The following C3orf70 variants were observed in gnomAD, a reference collection of about 807,000 sequenced individuals.
C3orf70 encodes chromosome 3 open reading frame 70.
C3orf70 carries 15 observed loss-of-function variants against 20.7 expected under a neutral mutation model. The ratio of observed to expected loss-of-function variants is 0.72; its 90% CI spans 0.48 to 1.11. C3orf70 has a LOEUF of 1.11. Ranked by LOEUF, C3orf70 falls within the 50% of genes most tolerant of loss-of-function variation. C3orf70 has a pLI of 0.00. For missense variants in C3orf70, 332 were observed against 317.6 expected (o/e 1.05, Z -0.34); for synonymous variants, 161 against 125.7 (o/e 1.28, Z -1.88).
chr3:185,146,720 T>G (rs1716884808), intron 1 of C3orf70, among the ~76,000 whole-genome samples: 1 of 152,238 alleles, frequency 6.6e-6, no homozygotes, highest in African/African-American at 2.4e-5. Context: ...GTTATTGATA[T>G]GAATCAGAAG....
chr3:185,091,841 C>A (rs1175363408), intron 1 of C3orf70, among the ~76,000 whole-genome samples: 1 of 141,606 alleles, frequency 7.1e-6, no homozygotes, highest in Non-Finnish European at 1.5e-5. Flanking sequence ...CTTGCCACCA[C>A]ACCCAGCTAT....
chr3:185,120,033 A>AAAAAAGAAAAAGAAAG (rs753351969), intron 1 of C3orf70, among the ~76,000 whole-genome samples: 10,587 of 100,696 alleles, frequency 0.11, 1,361 homozygotes, highest in Middle Eastern at 0.16. Context: ...AAAAAAAAAA[A>AAAAAAGAAAAAGAAAG]AAAAAGAAAA....
chr3:185,117,749 G>A (rs1716210663), intron 1 of C3orf70, among the ~76,000 whole-genome samples: 1 of 152,122 alleles, frequency 6.6e-6, no homozygotes, highest in South Asian at 2.1e-4. Flanking sequence ...CCATGATCTT[G>A]TTCCTGCCTA....
intron 1 of C3orf70, among the ~76,000 whole-genome samples, chr3:185,117,099 AG>A (rs553212012): frequency 2.6e-5 from 4 of 152,262 alleles, no homozygotes; most frequent in Admixed American, 2.0e-4. Flanking sequence ...TACATTTTCA[AG>A]TGAGAAACCA....
chr3:185,150,744 G>A (rs534647499), intron 1 of C3orf70, among the ~76,000 whole-genome samples: 2 of 152,116 alleles, frequency 1.3e-5, no homozygotes, highest in Non-Finnish European at 2.9e-5. Flanking sequence ...CCTTTCTAGG[G>A]GCCACAGTCT....
At chr3:185,114,313 TAAAAG>T (rs1357606506) in intron 1 of C3orf70, among the ~76,000 whole-genome samples, 1 of 152,112 alleles carries the variant, frequency 6.6e-6, no homozygotes, top group Non-Finnish European at 1.5e-5. Flanking sequence ...CAGATTAAAT[TAAAAG>T]GAGTCAAGTA....
intron 1 of C3orf70, among the ~76,000 whole-genome samples, chr3:185,148,576 A>G (rs1716922226): frequency 6.6e-6 from 1 of 152,200 alleles, no homozygotes; most frequent in Admixed American, 6.5e-5. Context: ...CAATACCTAC[A>G]TATGATTTCT....
intron 1 of C3orf70, among the ~76,000 whole-genome samples, chr3:185,135,184 A>T (rs1716597440): frequency 6.6e-6 from 1 of 152,224 alleles, no homozygotes. Flanking sequence ...ATACTGAGAT[A>T]CAGAGATGTT....
chr3:185,123,842 C>T (rs2108600105), intron 1 of C3orf70, among the ~76,000 whole-genome samples: 1 of 152,098 alleles, frequency 6.6e-6, no homozygotes, highest in Admixed American at 6.5e-5. Context: ...AACAAATGTC[C>T]TTTGAAGAAT....
intron 1 of C3orf70, among the ~76,000 whole-genome samples, chr3:185,139,458 CAGG>C (rs1036195068): frequency 5.3e-5 from 8 of 150,550 alleles, no homozygotes; most frequent in Non-Finnish European, 1.0e-4. Context: ...GAGGCTGAGA[CAGG>C]AGAATTGCTT....
At chr3:185,111,774 A>C (rs1255337719) in intron 1 of C3orf70, among the ~76,000 whole-genome samples, 1 of 152,194 alleles carries the variant, frequency 6.6e-6, no homozygotes, top group African/African-American at 2.4e-5. Context: ...TAATATGTAG[A>C]CATCAACACA....
chr3:185,144,150 G>A (rs545989019), intron 1 of C3orf70, among the ~76,000 whole-genome samples: 3 of 152,258 alleles, frequency 2.0e-5, no homozygotes, highest in East Asian at 3.9e-4. Flanking sequence ...TACGGTCACA[G>A]GGTAGATTCC....
Position 185,135,876 on chromosome 3 carries a change from A to T in C3orf70, c.196+16752T>A, listed in dbSNP as rs186988847. On this transcript the variant is annotated intron_variant, in intron 1 of 1. Transcript: ENST00000335012. ...AAATGGAATTCAAAAAAATGTTCAA[A>T]TAAATCACATGAAGGCAGGAAAAAG... is the stretch of plus-strand genomic sequence containing the variant. 1.3e-3 allele frequency among the ~76,000 whole-genome samples: 191 copies of T among 152,312 alleles called. 1 individual carries two copies. Among genetic ancestry groups the T allele is most frequent in the Admixed American group, 4.1e-3 (63 of 15,298 alleles).
Position 185,083,466 on chromosome 3 carries a change from T to A in C3orf70, c.294A>T (p.Ser98=), listed in dbSNP as rs1450269791. Residue 98 remains serine, a synonymous_variant, in exon 2 of 2, where the codon TCA becomes TCT. Transcript: ENST00000335012. ...PREPTNTIQI[S]VSLTEHFLKF... is the part of the protein sequence containing the mutation. The stretch of plus-strand genomic sequence containing the variant: ...TCAAAAAGTGTTCGGTGAGCGAGAC[T>A]GAGATCTGAATGGTGTTTGTGGGTT... The A allele has an allele frequency of 2.5e-6, 4 of 1,613,940 alleles. No homozygotes were observed. Among genetic ancestry groups the A allele is most frequent in the South Asian group, 1.1e-5 (1 of 91,072 alleles).
rs529762492 is a variant in C3orf70 at position 185,084,629 on chromosome 3, A to G, written c.197-1066T>C. On this transcript the variant is annotated intron_variant, in intron 1 of 1. Transcript: ENST00000335012. ...GCTGGATGTTTCTAGGAAGCCCACA[A>G]GCTTATCTCCAAGCCTTCCTCTCTG... Among the ~76,000 whole-genome samples the G allele has an allele frequency of 3.6e-3, 555 of 152,216 alleles. 4 individuals are homozygous for G. Among genetic ancestry groups the G allele is most frequent in the African/African-American group, 0.012 (514 of 41,534 alleles).
At chr3:185,123,175 T>A (rs1226215187) in intron 1 of C3orf70, among the ~76,000 whole-genome samples, 7 of 44,214 alleles carry the variant, frequency 1.6e-4, no homozygotes, top group Admixed American at 6.3e-4. Flanking sequence ...CGAGACTCCA[T>A]CTCAAAAAAA....
chr3:185,098,390 C>T (rs1577321243), intron 1 of C3orf70, among the ~76,000 whole-genome samples: 1 of 152,116 alleles, frequency 6.6e-6, no homozygotes, highest in East Asian at 1.9e-4. Flanking sequence ...AGACTATGAG[C>T]CTAAAATGCC....
intron 1 of C3orf70, among the ~76,000 whole-genome samples, chr3:185,142,827 T>C (rs1277613649): frequency 6.6e-6 from 1 of 152,166 alleles, no homozygotes; most frequent in Non-Finnish European, 1.5e-5. Context: ...CATGTAATAA[T>C]GTGACAAAAA....
At position 185,152,969 on chromosome 3, in the gene C3orf70, G is replaced by C. The variant is rs1378969894; in HGVS notation, c.-146C>G. ...CACGCGGCGGCGGCGGGAGCGCGGC[G>C]GTCCCAGGCTCGAGGAGGAGCCGCC... is the stretch of plus-strand genomic sequence containing the variant. On this transcript the variant is annotated 5_prime_UTR_variant, in exon 1 of 2. Coordinates refer to ENST00000335012, the MANE Select transcript of C3orf70 (RefSeq NM_001025266.3). 1.7e-5 allele frequency: 11 copies of C among 637,124 alleles called. No individual in the cohort carries two copies. Among genetic ancestry groups the C allele is most frequent in the Middle Eastern group, 5.1e-4 (1 of 1,980 alleles). The allele number at this position is 637,124 out of a possible 1,614,324, so 39.5% of individuals were successfully genotyped here. A position where few individuals can be genotyped will look rare whatever the true frequency, so the allele number is the denominator to read the frequency against.
Sources: allele counts gnomAD v4.1 joint callset (sites outside exome capture counted in the v4.1 genomes callset), GRCh38; gene constraint gnomAD v4.1.1; transcripts MANE v1.5; gene names NCBI Gene and HGNC (gene_info 2026-07-23, HGNC 2026-07-21).